Variants in CCDC187 observed in about 807,000 individuals in gnomAD.
The protein encoded by CCDC187 is coiled-coil domain-containing protein 187.
Under a neutral mutation model 38.0 loss-of-function variants are expected in CCDC187, and 32 were observed. The ratio of observed to expected loss-of-function variants is 0.84; its 90% confidence interval spans 0.64 to 1.13. The LOEUF is 1.13. Ranked by LOEUF, CCDC187 falls within the 50% of genes most tolerant of loss-of-function variation. The pLI is 0.00. For missense variants in CCDC187, 707 were observed against 786.8 expected (o/e 0.90, Z 1.21); for synonymous variants, 333 against 347.9 (o/e 0.96, Z 0.48).
At position 136,290,983 on chromosome 9, in the gene CCDC187, C is replaced by T; in HGVS notation, c.1630G>A (p.Ala544Thr). 2.5e-6 allele frequency: 1 copy of T among 398,720 alleles called. No homozygotes were observed. Among genetic ancestry groups the T allele is most frequent in the Non-Finnish European group, 4.4e-6 (1 of 226,150 alleles). The allele number at this position is 398,720 out of a possible 1,614,324, so 24.7% of individuals were successfully genotyped here. Residue 544 changes from alanine to threonine, a missense_variant, in exon 6 of 26, where the codon GCC (alanine) becomes ACC (threonine). Coordinates refer to ENST00000638797, the MANE Select transcript of CCDC187 (RefSeq NM_001378188.1). ...TCCCAGGTTTCACAGGCAGTCCAGGCCCTCCGTGGACAGGGCTGTGTGGCT... is the reference window on the plus strand; with the variant it reads ...TCCCAGGTTTCACAGGCAGTCCAGGTCCTCCGTGGACAGGGCTGTGTGGCT... ...AVATQPCPRR[A>T]WTACETWEDP... is the part of the protein sequence containing the mutation.
intron 20 of CCDC187, 110 bp downstream of exon 20, chr9:136,260,009 G>A (rs1830662092): frequency 1.1e-6 from 1 of 898,950 alleles, no homozygotes; most frequent in African/African-American, 1.8e-5. Context: ...GGCACAGCAG[G>A]CCAGAACACA....
Position 136,273,734 on chromosome 9 carries a change from G to A in CCDC187, c.3442+924C>T, listed in dbSNP as rs147181445. 8.7e-4 allele frequency among the ~76,000 whole-genome samples: 133 copies of A among 152,362 alleles called. 1 individual carries two copies. In the East Asian group the frequency reaches 0.023, roughly 26 times the overall value. On this transcript the variant is annotated intron_variant, in intron 14 of 25. Coordinates refer to ENST00000638797, the MANE Select transcript of CCDC187 (RefSeq NM_001378188.1). ...TTGTTTTCAAGGAGCACCCACTGAC[G>A]TAGACTGTCTTCCAGGCCAAAACCT...
chr9:136,288,859 G>C (rs1831243047), intron 7 of CCDC187, among the ~76,000 whole-genome samples: 1 of 152,268 alleles, frequency 6.6e-6, no homozygotes, highest in Non-Finnish European at 1.5e-5. Flanking sequence ...GGGAACCAGG[G>C]CGGCTGCTGT....
chr9:136,253,869 T>C lies in CCDC187; in HGVS notation c.5959A>G (p.Ile1987Val). 1 of 985,016 alleles carries C rather than the reference T, an allele frequency of 1.0e-6. No homozygotes were observed. Among genetic ancestry groups the C allele is most frequent in the Non-Finnish European group, 1.2e-6 (1 of 829,728 alleles). The allele number at this position is 985,016 out of a possible 1,614,324, so 61.0% of individuals were successfully genotyped here. Residue 1987 changes from isoleucine (I) to valine (V), a missense_variant, in exon 26 of 26, where the codon ATC (isoleucine) becomes GTC (valine). Coordinates refer to ENST00000638797, the MANE Select transcript of CCDC187 (RefSeq NM_001378188.1). ...PLLAGDVLTE[I>V]LSPVDELLSY... Reference sequence around the variant, plus strand: ...AGCAACTCGTCCACGGGAGACAGGATCTCAGTCAAGACGTCACCGGCAAGT... The same window carrying C: ...AGCAACTCGTCCACGGGAGACAGGACCTCAGTCAAGACGTCACCGGCAAGT...
chr9:136,274,271 G>A (rs1404160606), intron 14 of CCDC187, among the ~76,000 whole-genome samples: 2 of 152,242 alleles, frequency 1.3e-5, no homozygotes, highest in Admixed American at 6.5e-5. Flanking sequence ...TCACCTGGCC[G>A]AGCTGCCGCA....
rs1830739452 is a variant in CCDC187 at position 136,266,018 on chromosome 9, C to T, written c.3673G>A (p.Ala1225Thr). ...RGCLDSKRDR[A>T]VLAALVEKQQ... ...TTCTCAACCAGCGCGGCCAGCACAG[C>T]TCTGTCCCTCTTGCTGTCCAGGCAC... The change falls in exon 17 of 26, where the codon GCT becomes ACT. Residue 1225 changes from alanine (A) to threonine (T), a missense_variant. Physicochemically the swap from Ala to Thr is moderately conservative, Grantham distance 58. Coordinates refer to ENST00000638797, the MANE Select transcript of CCDC187 (RefSeq NM_001378188.1). The T allele has an allele frequency of 3.0e-6, 3 of 985,442 alleles. No homozygotes were observed. The highest frequency in any genetic ancestry group is 1.7e-5 in the African/African-American group (1 of 57,258). The allele number at this position is 985,442 out of a possible 1,614,324, so 61.0% of individuals were successfully genotyped here.
rs1367310505 is a variant in CCDC187, at chr9:136,250,531, G to C, written c.*3063C>G. 4 of 347,898 alleles carry C rather than the reference G, an allele frequency of 1.1e-5. No homozygotes were observed. The highest frequency in any genetic ancestry group is 7.6e-5 in the East Asian group (1 of 13,104). The allele number at this position is 347,898 out of a possible 1,614,324, so 21.6% of individuals were successfully genotyped here. On this transcript the variant is annotated 3_prime_UTR_variant, in exon 26 of 26. Transcript: ENST00000638797. ...TCACACGGCCTCATAAATCCAAAAG[G>C]GTCAGCAATAAATGGAAAAAAATAA... is the stretch of plus-strand genomic sequence containing the variant.
upstream of CCDC187, among the ~76,000 whole-genome samples, chr9:136,306,222 C>T (rs1831802459): frequency 6.6e-6 from 1 of 152,206 alleles, no homozygotes; most frequent in African/African-American, 2.4e-5. Flanking sequence ...CCAGGCCCAG[C>T]CAGCCACATC....
Position 136,267,420 on chromosome 9 carries a change from G to T in CCDC187, c.3611C>A (p.Thr1204Lys). 1 of 985,540 alleles carries T rather than the reference G, an allele frequency of 1.0e-6. No homozygotes were observed. The allele number at this position is 985,540 out of a possible 1,614,324, so 61.0% of individuals were successfully genotyped here. The change falls in exon 16 of 26, where the codon ACG becomes AAG. Residue 1204 changes from threonine (T) to lysine (K), a missense_variant. Coordinates refer to ENST00000638797, the MANE Select transcript of CCDC187 (RefSeq NM_001378188.1). The stretch of plus-strand genomic sequence containing the variant: ...CTCCAGCCAGGCCAGCTCCGCGAGC[G>T]TTTTCTCCTGGAGCGCCATCTCTCG... ...RLREMALQEK[T>K]LAELAWLEHR...
intron 19 of CCDC187, among the ~76,000 whole-genome samples, chr9:136,261,484 C>T (rs1423452865): frequency 7.3e-6 from 1 of 137,050 alleles, no homozygotes; most frequent in East Asian, 2.3e-4. Flanking sequence ...ATGTACCGGC[C>T]CCTCCCCTCC....
intron 19 of CCDC187, among the ~76,000 whole-genome samples, chr9:136,260,881 A>C (rs1320492034): frequency 6.6e-6 from 1 of 152,196 alleles, no homozygotes; most frequent in African/African-American, 2.4e-5. Context: ...CTGGGGCAGC[A>C]ATGGGAGGGC....
In CCDC187 at chr9:136,281,559, C is replaced by T. The variant is rs979363282; in HGVS notation, c.3032G>A (p.Arg1011Gln). The change falls in exon 10 of 26, where the codon CGG (arginine) becomes CAG (glutamine). Residue 1011 changes from arginine to glutamine, a missense_variant. Arg to Gln is a conservative substitution (Grantham distance 43). Transcript: ENST00000638797. ...GADSVAPCTPRSCGQQEDPCV... is the reference protein window; with the variant it reads ...GADSVAPCTPQSCGQQEDPCV... Reference sequence around the variant, plus strand: ...CGCAGGGTCGCCCTTACCGCAGCTCCGGGGGGTGCAGGGCGCCACAGAATC... The same window carrying T: ...CGCAGGGTCGCCCTTACCGCAGCTCTGGGGGGTGCAGGGCGCCACAGAATC... 3 of 398,402 alleles carry T rather than the reference C, an allele frequency of 7.5e-6. No individual in the cohort carries two copies. Among genetic ancestry groups the T allele is most frequent in the African/African-American group, 2.1e-5 (1 of 48,580 alleles). 24.7% of individuals were successfully genotyped at this position (398,402 alleles called of 1,614,324 possible).
chr9:136,265,334 A>G (rs971943311), intron 17 of CCDC187, among the ~76,000 whole-genome samples: 2 of 152,118 alleles, frequency 1.3e-5, no homozygotes, highest in Admixed American at 6.5e-5. Context: ...CCTGGTGACA[A>G]CGATGGCAGG....
At chr9:136,260,294 G>A (rs555550434) in intron 19 of CCDC187, 30 bp from the exon 20 acceptor site, 5 of 984,770 alleles carry the variant, frequency 5.1e-6, no homozygotes, top group South Asian at 4.7e-5. Context: ...GGAGGTGACC[G>A]CCCGCCCGGC....
intron 15 of CCDC187, 51 bp downstream of exon 15, chr9:136,267,998 C>T (rs998138991): frequency 2.2e-5 from 22 of 984,978 alleles, no homozygotes; most frequent in Non-Finnish European, 2.5e-5. Flanking sequence ...CTACCAGGGC[C>T]GTGCTGGGTC....
At chr9:136,289,856 T>A (rs1831272108) in intron 7 of CCDC187, 103 bp downstream of exon 7, 1 of 395,198 alleles carries the variant, frequency 2.5e-6, no homozygotes, top group Non-Finnish European at 4.5e-6. Context: ...AGCCTCTCGG[T>A]CATGAGGCAA....
At chr9:136,286,032 C>CCA (rs1208043006) in intron 8 of CCDC187, 53 bp downstream of exon 8, 4 of 397,846 alleles carry the variant, frequency 1.0e-5, no homozygotes, top group African/African-American at 8.2e-5. Context: ...TCCTCCCAGC[C>CCA]CACAGGACCC....
At position 136,250,826 on chromosome 9, in the gene CCDC187, G is replaced by C. The variant is rs1479675762; in HGVS notation, c.*2768C>G. 4 of 456,128 alleles carry C rather than the reference G, an allele frequency of 8.8e-6. No homozygotes were observed. The highest frequency in any genetic ancestry group is 2.0e-5 in the African/African-American group (1 of 50,102). 28.3% of individuals were successfully genotyped at this position (456,128 alleles called of 1,614,324 possible). ...ACCTGGGGCTAAGCAGCCGCCCCGG[G>C]GCTGGAGAAGGCAGGCTGGGTCCAG... is the stretch of plus-strand genomic sequence containing the variant. On this transcript the variant is annotated 3_prime_UTR_variant, in exon 26 of 26. Transcript: ENST00000638797.
Position 136,286,389 on chromosome 9 carries a change from G to A in CCDC187, c.2529C>T (p.Ala843=). The A allele has an allele frequency of 5.0e-6, 2 of 398,684 alleles. No individual in the cohort carries two copies. The highest frequency in any genetic ancestry group is 8.8e-6 in the Non-Finnish European group (2 of 226,080). The allele number at this position is 398,684 out of a possible 1,614,324, so 24.7% of individuals were successfully genotyped here. Residue 843 remains alanine, a synonymous_variant, in exon 8 of 26, where the codon GCC becomes GCT. Transcript: ENST00000638797. The part of the protein sequence containing the change: ...VLKQRVDSLT[A]KLQGAEALDT... ...CCAGCGCTTCGGCACCCTGCAGCTT[G>A]GCGGTGAGGCTATCGACCCGCTGCT...
Sources: allele counts gnomAD v4.1 joint callset (sites outside exome capture counted in the v4.1 genomes callset), GRCh38; gene constraint gnomAD v4.1.1; transcripts MANE v1.5; gene names NCBI Gene and HGNC (gene_info 2026-07-23, HGNC 2026-07-21).